The following ADCY9 variants were observed in gnomAD, a reference collection of about 807,000 sequenced individuals.
ADCY9 encodes the protein adenylate cyclase 9.
A neutral mutation model predicts 101.5 loss-of-function variants in ADCY9; 50 were observed. The observed-to-expected ratio is 0.49, with a 90% CI of 0.39 to 0.62. The LOEUF is 0.62. Among genes scored for constraint, ADCY9 ranks in the 20% least tolerant of loss-of-function variants. The probability of loss-of-function intolerance (pLI) is 0.00; values close to 1 mark genes in which losing one functional copy is unlikely to be tolerated. For missense variants in ADCY9, 1,662 were observed against 1,800.4 expected (o/e 0.92, Z 1.39); for synonymous variants, 905 against 769.3 (o/e 1.18, Z -2.92).
intron 2 of ADCY9, among the ~76,000 whole-genome samples, chr16:4,093,466 G>C (rs1453387743): frequency 6.6e-6 from 1 of 152,082 alleles, no homozygotes; most frequent in African/African-American, 2.4e-5. Context: ...CGCCTTTCAG[G>C]AAAACGTCTG....
Position 3,988,973 on chromosome 16 carries a change from C to T in ADCY9, c.2310+21G>A, listed in dbSNP as rs746954801. On this transcript the variant is annotated intron_variant, in intron 6 of 10. Transcript: ENST00000294016. Reference sequence around the variant, plus strand: ...CAACAAACACATTCTTTAGTAAAAGCGCAAGGAGAAATGAACGCACCTCTT... The same window carrying T: ...CAACAAACACATTCTTTAGTAAAAGTGCAAGGAGAAATGAACGCACCTCTT... 1.8e-5 allele frequency: 28 copies of T among 1,568,134 alleles called. No homozygotes were observed. The African/African-American group carries it at 2.3e-4, about 13-fold the overall frequency.
At chr16:4,003,132 A>T (rs1421078710) in intron 3 of ADCY9, among the ~76,000 whole-genome samples, 1 of 151,954 alleles carries the variant, frequency 6.6e-6, no homozygotes, top group Non-Finnish European at 1.5e-5. Context: ...TGCCTGCTGG[A>T]GCGCTGACGT....
rs1295876978 is a variant in ADCY9 at position 3,979,737 on chromosome 16, G to A, written c.2520-462C>T. Among the ~76,000 whole-genome samples, 3 of 152,360 alleles carry A rather than the reference G, an allele frequency of 2.0e-5. No individual in the cohort carries two copies. The East Asian group carries it at 5.8e-4, about 29-fold the overall frequency. Reference sequence around the variant, plus strand: ...GGCGGTCCTGGCATCTGGTGGGCAGGCGCCAGGGACAGAGCTGTCCTGCAT... The same window carrying A: ...GGCGGTCCTGGCATCTGGTGGGCAGACGCCAGGGACAGAGCTGTCCTGCAT... On this transcript the variant is annotated intron_variant, in intron 7 of 10. Coordinates refer to ENST00000294016, the MANE Select transcript of ADCY9 (RefSeq NM_001116.4).
rs201165281 is a variant in ADCY9, at chr16:3,966,489, C to T, written c.3348G>A (p.Ala1116=). The change falls in exon 11 of 11, where the codon GCG becomes GCA. Residue 1116 remains alanine, a synonymous_variant. Transcript: ENST00000294016. ...KIKTIGATYM[A]ASGLNTAQAQ... ...CCTGCGCGGTGTTCAGCCCTGACGCCGCCATGTACGTGGCTCCGATGGTCT... is the reference window on the plus strand; with the variant it reads ...CCTGCGCGGTGTTCAGCCCTGACGCTGCCATGTACGTGGCTCCGATGGTCT... The T allele has an allele frequency of 8.7e-5, 140 of 1,614,000 alleles. No homozygotes were observed. The highest frequency in any genetic ancestry group is 1.1e-4 in the Non-Finnish European group (135 of 1,180,048).
chr16:3,981,833 C>G (rs1490057132), intron 7 of ADCY9: 1 of 152,146 alleles, frequency 6.6e-6, no homozygotes, highest in Admixed American at 6.6e-5. Flanking sequence ...GAACTCCCAG[C>G]CTCAGGTGAT....
chr16:4,047,061 A>G (rs1597189870), intron 2 of ADCY9, among the ~76,000 whole-genome samples: 1 of 152,188 alleles, frequency 6.6e-6, no homozygotes, highest in South Asian at 2.1e-4. Context: ...AGATTTGTAC[A>G]TAAGGACTGT....
chr16:3,993,269 G>A (rs1330418214), intron 4 of ADCY9, 137 bp downstream of exon 4: 1 of 1,439,590 alleles, frequency 6.9e-7, no homozygotes. Flanking sequence ...TCAACACCCG[G>A]AGGACCCGCG....
At chr16:4,043,618 A>C (rs1312468330) in intron 2 of ADCY9, among the ~76,000 whole-genome samples, 1 of 152,130 alleles carries the variant, frequency 6.6e-6, no homozygotes, top group African/African-American at 2.4e-5. Context: ...TGAACATGAG[A>C]GGCAGAGGTT....
In ADCY9 at chr16:3,968,827, G is replaced by A. The variant is rs185209756; in HGVS notation, c.2871-1861C>T. ...ATTTCCAAATTGCCCTTCTAAACAA[G>A]GCTGAACCAGTTTCTGCTTTTTTTT... On this transcript the variant is annotated intron_variant, in intron 10 of 10. Coordinates refer to ENST00000294016, the MANE Select transcript of ADCY9 (RefSeq NM_001116.4). Among the ~76,000 whole-genome samples, 274 of 151,942 alleles carry A rather than the reference G, an allele frequency of 1.8e-3. 2 individuals are homozygous for A. Among genetic ancestry groups the A allele is most frequent in the African/African-American group, 6.1e-3 (254 of 41,458 alleles).
In ADCY9 at chr16:4,114,496, G is replaced by A. The variant is rs1339551930; in HGVS notation, c.947C>T (p.Ser316Phe). Residue 316 changes from serine to phenylalanine, a missense_variant, in exon 2 of 11, where the codon TCC (serine) becomes TTC (phenylalanine). By Grantham distance (155) the Ser-to-Phe change is radical. Around this residue, in one of 5 missense-constraint regions of ADCY9, gnomAD observed 228 missense variants for 301.1 expected, o/e 0.76. Transcript: ENST00000294016. This position sits in a 1 kb window ranked among gnomAD's most constrained non-coding sequence, Gnocchi z 4.3. ...SRSTFLKVGQ[S>F]IMHGKDLEVE... is the part of the protein sequence containing the mutation. ...TTCCAGGTCCTTCCCGTGCATAATG[G>A]ATTGCCCCACCTTGAGGAAGGTGCT... 6.2e-7 allele frequency: 1 copy of A among 1,614,144 alleles called. No homozygotes were observed. Among genetic ancestry groups the A allele is most frequent in the Non-Finnish European group, 8.5e-7 (1 of 1,180,036 alleles).
At chr16:4,097,550 T>TAAATAC (rs2057015010) in intron 2 of ADCY9, among the ~76,000 whole-genome samples, 1 of 48,062 alleles carries the variant, frequency 2.1e-5, no homozygotes, top group African/African-American at 1.4e-4. Flanking sequence ...TATATATATA[T>TAAATAC]ATATTTTTTT....
At chr16:4,000,529 A>G (rs897523115) in intron 3 of ADCY9, among the ~76,000 whole-genome samples, 4 of 152,250 alleles carry the variant, frequency 2.6e-5, no homozygotes, top group African/African-American at 9.6e-5. Context: ...GCAGAATATT[A>G]GAAGAAAAGA....
downstream of ADCY9, among the ~76,000 whole-genome samples, chr16:3,961,815 CAGG>C (rs2055940500): frequency 6.6e-6 from 1 of 152,166 alleles, no homozygotes; most frequent in Non-Finnish European, 1.5e-5. Context: ...CACTTGAGGC[CAGG>C]AGTTCGAGAC....
intron 8 of ADCY9, 49 bp from the exon 9 acceptor site, chr16:3,977,679 C>T (rs1567418871): frequency 2.6e-6 from 4 of 1,567,962 alleles, no homozygotes; most frequent in Non-Finnish European, 3.5e-6. Context: ...ACCCCGCCAC[C>T]CCTGCTATAC....
At chr16:3,985,312 G>GT (rs1346953142) in intron 6 of ADCY9, among the ~76,000 whole-genome samples, 2 of 152,012 alleles carry the variant, frequency 1.3e-5, no homozygotes, top group Non-Finnish European at 2.9e-5. Flanking sequence ...GCTAATTTTT[G>GT]TATGATTAGT....
At chr16:4,015,055 T>C (rs2056429302) in intron 2 of ADCY9, among the ~76,000 whole-genome samples, 1 of 145,074 alleles carries the variant, frequency 6.9e-6, no homozygotes, top group Admixed American at 7.2e-5. Flanking sequence ...TTCTCCTGCC[T>C]CAGCCTCCCG....
intron 2 of ADCY9, among the ~76,000 whole-genome samples, chr16:4,093,691 G>A (rs939099852): frequency 9.9e-5 from 15 of 152,102 alleles, no homozygotes; most frequent in Non-Finnish European, 1.8e-4. Context: ...CCCAGGAGGC[G>A]GAGGCTGCAA....
At chr16:4,105,405 C>G (rs889551450) in intron 2 of ADCY9, among the ~76,000 whole-genome samples, 2 of 151,818 alleles carry the variant, frequency 1.3e-5, no homozygotes, top group African/African-American at 4.8e-5. Context: ...GGCATGGTGG[C>G]TCACACCTAT....
intron 2 of ADCY9, among the ~76,000 whole-genome samples, chr16:4,077,135 C>T (rs554746487): frequency 2.0e-5 from 3 of 151,712 alleles, no homozygotes; most frequent in South Asian, 2.1e-4. Flanking sequence ...AGCTAGCATG[C>T]GGACTCACTG....
Sources: allele counts gnomAD v4.1 joint callset (sites outside exome capture counted in the v4.1 genomes callset), GRCh38; gene constraint gnomAD v4.1.1; regional missense constraint gnomAD v4.1.1; non-coding constraint Gnocchi (gnomAD v3.1); transcripts MANE v1.5; gene names NCBI Gene and HGNC (gene_info 2026-07-23, HGNC 2026-07-21).